The following ILF2 variants were observed in gnomAD, a reference collection of about 807,000 sequenced individuals.
ILF2 encodes the protein interleukin enhancer-binding factor 2.
Under a neutral mutation model 55.3 loss-of-function variants are expected in ILF2, and 9 were observed. The ratio of observed to expected loss-of-function variants is 0.16; its 90% CI spans 0.10 to 0.28. ILF2 has a LOEUF of 0.28. Among genes scored for constraint, ILF2 ranks in the 10% least tolerant of loss-of-function variants. The probability of loss-of-function intolerance (pLI) is 1.00; values close to 1 mark genes in which losing one functional copy is unlikely to be tolerated. For missense variants in ILF2, 266 were observed against 474.9 expected (o/e 0.56, Z 4.09); for synonymous variants, 151 against 161.8 (o/e 0.93, Z 0.50).
At chr1:153,663,977 CTA>C in intron 10 of ILF2, 64 bp downstream of exon 10, 13 of 796,532 alleles carry the variant, frequency 1.6e-5, no homozygotes, top group Middle Eastern at 2.3e-4. Context: ...ACTACTACTA[CTA>C]CTACTACTAC....
intron 11 of ILF2, 24 bp downstream of exon 11, chr1:153,663,191 C>T (rs200764298): frequency 8.7e-6 from 14 of 1,614,074 alleles, no homozygotes; most frequent in Non-Finnish European, 1.2e-5. Flanking sequence ...TTACAACCAA[C>T]CCTAAACCCA....
chr1:153,664,488 C>T lies in ILF2; in HGVS notation c.578-14G>A. The stretch of plus-strand genomic sequence containing the variant: ...CTTTGATATCCACTAAAAAGACAAG[C>T]ATGATATGCCAGGATGAAACATTTT... On this transcript the variant is annotated splice_polypyrimidine_tract_variant and intron_variant, in intron 8 of 13. Transcript: ENST00000361891. 2 of 1,593,260 alleles carry T rather than the reference C, an allele frequency of 1.3e-6. No individual in the cohort carries two copies. The highest frequency in any genetic ancestry group is 1.7e-6 in the Non-Finnish European group (2 of 1,161,228).
At chr1:153,663,164 G>A (rs1489525731) in intron 11 of ILF2, 31 bp from the exon 12 acceptor site, 3 of 1,613,578 alleles carry the variant, frequency 1.9e-6, no homozygotes, top group Non-Finnish European at 2.5e-6. Flanking sequence ...AGGTATTAAA[G>A]GAATGCACAA....
intron 7 of ILF2, 99 bp downstream of exon 7, chr1:153,665,564 C>T (rs1364853769): frequency 9.3e-7 from 1 of 1,076,656 alleles, no homozygotes; most frequent in East Asian, 2.4e-5. Flanking sequence ...TGCATTTACT[C>T]TTCCATCTGG....
rs1011785814 is a variant in ILF2 at position 153,665,405 on chromosome 1, T to TG, written c.461-70dup. On this transcript the variant is annotated intron_variant, in intron 7 of 13. Coordinates refer to ENST00000361891, the MANE Select transcript of ILF2 (RefSeq NM_004515.4). ...TAGATGATCAAAGTTAAATCCAGGG[T>TG]GGGGGGGAACAGGTGGATTTTTTAA... 2.7e-5 allele frequency: 28 copies of TG among 1,055,116 alleles called. No individual in the cohort carries two copies. In the African/African-American group the frequency reaches 2.7e-4, roughly 10 times the overall value. The allele number at this position is 1,055,116 out of a possible 1,614,324, so 65.4% of individuals were successfully genotyped here. A position where few individuals can be genotyped will look rare whatever the true frequency, so the allele number is the denominator to read the frequency against.
At chr1:153,665,492 A>C (rs370987009) in intron 7 of ILF2, 156 bp from the exon 8 acceptor site, 2 of 753,612 alleles carry the variant, frequency 2.7e-6, no homozygotes, top group African/African-American at 1.8e-5. Flanking sequence ...GATCAAACAG[A>C]TCTCCCTTGA....
intron 12 of ILF2, 40 bp downstream of exon 12, chr1:153,662,979 G>T: frequency 6.5e-7 from 1 of 1,534,508 alleles, no homozygotes; most frequent in South Asian, 1.1e-5. Flanking sequence ...GTATTCAAAA[G>T]AGTGGGGCAA....
intron 12 of ILF2, 52 bp downstream of exon 12, chr1:153,662,967 C>T: frequency 6.8e-7 from 1 of 1,460,302 alleles, no homozygotes; most frequent in Non-Finnish European, 9.6e-7. Context: ...TGCTGAGCAG[C>T]AGTATTCAAA....
At chr1:153,666,488 T>G (rs1669309566) in intron 6 of ILF2, among the ~76,000 whole-genome samples, 1 of 152,044 alleles carries the variant, frequency 6.6e-6, no homozygotes, top group Admixed American at 6.6e-5. Flanking sequence ...TCTGAGTAGC[T>G]GGGACCAAAG....
At chr1:153,665,391 A>G in intron 7 of ILF2, 55 bp from the exon 8 acceptor site, 1 of 1,188,338 alleles carries the variant, frequency 8.4e-7, no homozygotes, top group Non-Finnish European at 1.3e-6. Context: ...AGATGATCAA[A>G]GTTAAATCCA....
At chr1:153,665,970 G>A (rs1242211461) in intron 6 of ILF2, among the ~76,000 whole-genome samples, 1 of 152,160 alleles carries the variant, frequency 6.6e-6, no homozygotes, top group Non-Finnish European at 1.5e-5. Flanking sequence ...TCAGGTCAGT[G>A]GCAGTTAATA....
intron 8 of ILF2, 94 bp from the exon 9 acceptor site, chr1:153,664,568 G>T: frequency 1.0e-6 from 1 of 998,892 alleles, no homozygotes. Flanking sequence ...TGGAAGGAGG[G>T]CAGGATAGAC....
intron 8 of ILF2, 106 bp from the exon 9 acceptor site, chr1:153,664,580 G>A (rs1036597285): frequency 5.7e-6 from 5 of 884,630 alleles, no homozygotes; most frequent in East Asian, 2.5e-5. Flanking sequence ...AGGATAGACG[G>A]AGTCTCGCTC....
intron 6 of ILF2, among the ~76,000 whole-genome samples, chr1:153,666,936 A>C (rs2101715328): frequency 6.6e-6 from 1 of 152,156 alleles, no homozygotes; most frequent in African/African-American, 2.4e-5. Context: ...AGACTAGCTA[A>C]CATGGTGAAA....
intron 11 of ILF2, 39 bp from the exon 12 acceptor site, chr1:153,663,172 C>CT: frequency 6.2e-7 from 1 of 1,613,848 alleles, no homozygotes. Context: ...AAGGAATGCA[C>CT]AAAATAGTTT....
chr1:153,667,272 GT>G (rs1669335084), intron 6 of ILF2: 1 of 490,920 alleles, frequency 2.0e-6, no homozygotes, highest in African/African-American at 1.9e-5. Flanking sequence ...GAGCTCAGGA[GT>G]TTGAGACCAG....
intron 7 of ILF2, 53 bp from the exon 8 acceptor site, chr1:153,665,389 A>T (rs1669280455): frequency 8.1e-7 from 1 of 1,230,124 alleles, no homozygotes; most frequent in East Asian, 2.3e-5. Context: ...TTAGATGATC[A>T]AAGTTAAATC....
intron 10 of ILF2, 67 bp downstream of exon 10, chr1:153,663,976 A>G: frequency 1.3e-6 from 1 of 781,746 alleles, no homozygotes; most frequent in East Asian, 2.5e-5. Flanking sequence ...TACTACTACT[A>G]CTACTACTAC....
rs1373557250 is a variant in ILF2, at chr1:153,662,360, C to G, written c.*36G>C. The stretch of plus-strand genomic sequence containing the variant: ...AGTAGCAGGCAGCTTAGGCTCCAGT[C>G]TTCCCCCTTGGGTAGGAAAAGGAGT... On this transcript the variant is annotated 3_prime_UTR_variant, in exon 14 of 14. Transcript: ENST00000361891. 2 of 1,612,790 alleles carry G rather than the reference C, an allele frequency of 1.2e-6. No homozygotes were observed. Among genetic ancestry groups the G allele is most frequent in the East Asian group, 2.2e-5 (1 of 44,890 alleles).
Sources: allele counts gnomAD v4.1 joint callset (sites outside exome capture counted in the v4.1 genomes callset), GRCh38; gene constraint gnomAD v4.1.1; transcripts MANE v1.5; gene names NCBI Gene and HGNC (gene_info 2026-07-23, HGNC 2026-07-21).